The following MTMR3 variants were observed in gnomAD, a reference collection of about 807,000 sequenced individuals.
MTMR3 encodes the protein myotubularin related protein 3.
MTMR3 carries 32 observed loss-of-function variants against 132.4 expected under a neutral mutation model. The observed-to-expected ratio is 0.24, with a 90% CI of 0.18 to 0.32. MTMR3 has a LOEUF of 0.32. Ranked by LOEUF, MTMR3 falls within the 10% of genes least tolerant of loss-of-function variation. The pLI is 1.00. For synonymous variants in MTMR3, 556 were observed against 550.3 expected, an observed-to-expected ratio of 1.01 and a Z score of -0.14; for missense variants, 1,216 against 1,489.6, an observed-to-expected ratio of 0.82 and a Z score of 3.02.
At chr22:30,007,420 A>G in intron 10 of MTMR3, 101 bp downstream of exon 10, 1 of 1,179,386 alleles carries the variant, frequency 8.5e-7, no homozygotes, top group Non-Finnish European at 1.2e-6. Context: ...ACTTTTATAG[A>G]AGTGAATGTG....
chr22:30,016,986 C>T (rs1315256498), intron 15 of MTMR3: 2 of 308,622 alleles, frequency 6.5e-6, no homozygotes, highest in Non-Finnish European at 1.2e-5. Context: ...GAGCTTATTT[C>T]TAGCATATTC....
chr22:29,978,818 T>G (rs1038069415), intron 4 of MTMR3, 118 bp from the exon 5 acceptor site: 4 of 772,660 alleles, frequency 5.2e-6, no homozygotes, highest in South Asian at 5.0e-5. Flanking sequence ...TATCTACTTA[T>G]GTGCTGTGTT....
intron 2 of MTMR3, among the ~76,000 whole-genome samples, chr22:29,966,356 C>T (rs902671568): frequency 1.3e-5 from 2 of 152,138 alleles, no homozygotes; most frequent in African/African-American, 4.8e-5. Context: ...GAATAAGAAT[C>T]CAAATAAGAT....
chr22:30,020,441 T>C lies in MTMR3; in HGVS notation c.2782T>C (p.Cys928Arg). 6.2e-7 allele frequency: 1 copy of C among 1,614,150 alleles called. No individual in the cohort carries two copies. The highest frequency in any genetic ancestry group is 8.5e-7 in the Non-Finnish European group (1 of 1,180,028). Reference sequence around the variant, plus strand: ...AGCCGAATGTAAAGAGGGGCTTGTGTGCAATGGTGCCCCAGAGACTGAAAA... The same window carrying C: ...AGCCGAATGTAAAGAGGGGCTTGTGCGCAATGGTGCCCCAGAGACTGAAAA... ...PLAECKEGLV[C>R]NGAPETENRA... is the part of the protein sequence containing the mutation. Residue 928 changes from cysteine to arginine, a missense_variant, in exon 17 of 20, where the codon TGC becomes CGC. Cys to Arg is a radical substitution (Grantham distance 180, BLOSUM62 -3). This residue lies in a region of MTMR3 where 852 missense variants were observed against 852.0 expected (regional missense o/e 1.00). Coordinates refer to ENST00000401950, the MANE Select transcript of MTMR3 (RefSeq NM_021090.4).
intron 1 of MTMR3, among the ~76,000 whole-genome samples, chr22:29,908,205 A>G (rs1229805100): frequency 6.6e-6 from 1 of 152,196 alleles, no homozygotes; most frequent in Non-Finnish European, 1.5e-5. Flanking sequence ...ACGGACCTGG[A>G]TGAGAACAGC....
chr22:30,008,105 T>G, intron 11 of MTMR3, 73 bp downstream of exon 11: 1 of 1,567,636 alleles, frequency 6.4e-7, no homozygotes, highest in Non-Finnish European at 8.7e-7. Flanking sequence ...GAGACTTAGT[T>G]CCCAATTTGA....
chr22:29,889,095 A>G (rs1453410729), intron 1 of MTMR3, among the ~76,000 whole-genome samples: 2 of 152,016 alleles, frequency 1.3e-5, no homozygotes, highest in Non-Finnish European at 2.9e-5. Context: ...TATTTATTCT[A>G]TGCCTATCAT....
In MTMR3 at chr22:30,023,661, TG is replaced by T. The variant is rs2067827766; in HGVS notation, c.3425+967del. The T allele has an allele frequency of 7.2e-5, 50 of 693,852 alleles. No individual in the cohort carries two copies. The South Asian group carries it at 8.6e-4, about 12-fold the overall frequency. The allele number at this position is 693,852 out of a possible 1,614,324, so 43.0% of individuals were successfully genotyped here. ...GCAGCTGAGGAGAGGCCATCGAGGG[TG>T]GGTCAGGCTGCAGCCATGTGCTCCC... On this transcript the variant is annotated intron_variant, in intron 19 of 19. Coordinates refer to ENST00000401950, the MANE Select transcript of MTMR3 (RefSeq NM_021090.4).
At chr22:29,900,706 G>A (rs754877526) in intron 1 of MTMR3, among the ~76,000 whole-genome samples, 10 of 152,094 alleles carry the variant, frequency 6.6e-5, no homozygotes, top group Non-Finnish European at 1.5e-4. Flanking sequence ...GAGTTCTTGA[G>A]CCTGTGCTTT....
intron 1 of MTMR3, among the ~76,000 whole-genome samples, chr22:29,940,895 T>C (rs183108060): frequency 1.3e-5 from 2 of 150,216 alleles, no homozygotes; most frequent in East Asian, 3.9e-4. Context: ...GGAGTTCATA[T>C]GCATTCCTTC....
In MTMR3 at chr22:29,896,866, GTC is replaced by G. The variant is rs200250049; in HGVS notation, c.-138+13510_-138+13511del. Among the ~76,000 whole-genome samples, 657 of 98,548 alleles carry G rather than the reference GTC, an allele frequency of 6.7e-3. 7 individuals are homozygous for G. Among genetic ancestry groups the G allele is most frequent in the African/African-American group, 0.025 (608 of 24,464 alleles). The allele number at this position is 98,548 out of a possible 152,430, so 64.7% of individuals were successfully genotyped here. A position where few individuals can be genotyped will look rare whatever the true frequency, so the allele number is the denominator to read the frequency against. ...TTTTATAGTACAGAATAACAGGCTTGTCTCACACACACACACACACACACACA... is the reference window on the plus strand; with the variant it reads ...TTTTATAGTACAGAATAACAGGCTTGTCACACACACACACACACACACACA... On this transcript the variant is annotated intron_variant, in intron 1 of 19. Coordinates refer to ENST00000401950, the MANE Select transcript of MTMR3 (RefSeq NM_021090.4).
chr22:29,996,783 A>G (rs5763687), intron 7 of MTMR3: 9,000 of 151,950 alleles, frequency 0.059, 506 homozygotes, highest in South Asian at 0.24. Context: ...CTGGAGTGCA[A>G]TGGTGTGATG....
Position 29,900,001 on chromosome 22 carries a change from ACTT to A in MTMR3, c.-138+16645_-138+16647del, listed in dbSNP as rs1247649797. ...TAGCTTTTGATGTAACTTTTCCACT[ACTT>A]CTCTTCATATGTGAATACACTTAAT... On this transcript the variant is annotated intron_variant, in intron 1 of 19. Coordinates refer to ENST00000401950, the MANE Select transcript of MTMR3 (RefSeq NM_021090.4). Among the ~76,000 whole-genome samples, 3 of 152,326 alleles carry A rather than the reference ACTT, an allele frequency of 2.0e-5. No homozygotes were observed. The East Asian group carries it at 5.8e-4, about 29-fold the overall frequency.
intron 12 of MTMR3, chr22:30,009,889 C>T (rs2067368672): frequency 6.6e-6 from 1 of 152,174 alleles, no homozygotes; most frequent in African/African-American, 2.4e-5. Context: ...ATAGTTGTTT[C>T]TCTGGGTCCT....
At chr22:29,903,847 G>A (rs1453836470) in intron 1 of MTMR3, among the ~76,000 whole-genome samples, 2 of 152,170 alleles carry the variant, frequency 1.3e-5, no homozygotes, top group Non-Finnish European at 2.9e-5. Flanking sequence ...ACTGAATATT[G>A]TGTTTGGAGC....
chr22:29,957,671 T>A (rs1000704378), intron 2 of MTMR3, among the ~76,000 whole-genome samples: 1 of 152,072 alleles, frequency 6.6e-6, no homozygotes, highest in Non-Finnish European at 1.5e-5. Flanking sequence ...CAGGCTGATA[T>A]AGTTCTTTTA....
At chr22:29,900,073 C>T (rs1050605229) in intron 1 of MTMR3, among the ~76,000 whole-genome samples, 17 of 152,096 alleles carry the variant, frequency 1.1e-4, no homozygotes, top group Non-Finnish European at 1.8e-4. Context: ...AACAAACATA[C>T]AGAAGAGTGC....
At chr22:29,965,730 G>C (rs1049385014) in intron 2 of MTMR3, among the ~76,000 whole-genome samples, 6 of 152,030 alleles carry the variant, frequency 3.9e-5, no homozygotes, top group Non-Finnish European at 7.4e-5. Context: ...TGGGAAGATA[G>C]CTTATGTATA....
At chr22:29,915,024 C>G (rs2065282240) in intron 1 of MTMR3, among the ~76,000 whole-genome samples, 1 of 152,038 alleles carries the variant, frequency 6.6e-6, no homozygotes, top group African/African-American at 2.4e-5. Flanking sequence ...CAGTCTTTTT[C>G]AGGATTTCAG....
Sources: allele counts gnomAD v4.1 joint callset (sites outside exome capture counted in the v4.1 genomes callset), GRCh38; gene constraint gnomAD v4.1.1; regional missense constraint gnomAD v4.1.1; transcripts MANE v1.5; gene names NCBI Gene and HGNC (gene_info 2026-07-23, HGNC 2026-07-21).